PDE3B: variants seen among roughly 807,000 people sequenced by gnomAD.
PDE3B encodes phosphodiesterase 3B.
In PDE3B, 66 loss-of-function variants were observed where a neutral mutation model predicts 116.8. The ratio of observed to expected loss-of-function variants is 0.56; its 90% CI spans 0.46 to 0.69. The LOEUF (loss-of-function observed/expected upper bound fraction) is 0.69, where lower values mean the gene tolerates loss of function less well. PDE3B is among the 30% of genes least tolerant of loss of function. The pLI is 0.00. For missense variants in PDE3B, 1,384 were observed against 1,368.1 expected (o/e 1.01, Z -0.18); for synonymous variants, 595 against 533.6 (o/e 1.12, Z -1.59).
At chr11:14,828,119 G>A (rs1565154967) in intron 7 of PDE3B, among the ~76,000 whole-genome samples, 1 of 152,226 alleles carries the variant, frequency 6.6e-6, no homozygotes, top group Non-Finnish European at 1.5e-5. Flanking sequence ...CTAGCCATAT[G>A]TAGAAGATTA....
At chr11:14,681,572 C>T (rs769145412) in intron 1 of PDE3B, among the ~76,000 whole-genome samples, 2 of 152,052 alleles carry the variant, frequency 1.3e-5, no homozygotes, top group South Asian at 2.1e-4. Context: ...TTATTAGCAG[C>T]GTGAGAACAG....
chr11:14,850,329 G>A (rs921935161), intron 12 of PDE3B, among the ~76,000 whole-genome samples: 1 of 151,962 alleles, frequency 6.6e-6, no homozygotes, highest in Admixed American at 6.6e-5. Context: ...CACACTCTGG[G>A]GACTGTTGTA....
intron 14 of PDE3B, among the ~76,000 whole-genome samples, chr11:14,864,992 A>G (rs954503882): frequency 6.6e-6 from 1 of 152,146 alleles, no homozygotes; most frequent in African/African-American, 2.4e-5. Flanking sequence ...CTAAGATCAG[A>G]GCAGAACTGA....
chr11:14,750,316 T>G (rs1185957476), intron 1 of PDE3B, among the ~76,000 whole-genome samples: 1 of 152,072 alleles, frequency 6.6e-6, no homozygotes, highest in Non-Finnish European at 1.5e-5. Context: ...ATCACAAATA[T>G]GAAAAATTTG....
intron 1 of PDE3B, among the ~76,000 whole-genome samples, chr11:14,691,259 C>T (rs924556887): frequency 1.1e-4 from 16 of 152,048 alleles, no homozygotes; most frequent in South Asian, 4.1e-4. Context: ...TTTATAAAGA[C>T]TTACAATCAC....
At chr11:14,696,539 G>A (rs562699504) in intron 1 of PDE3B, among the ~76,000 whole-genome samples, 85 of 152,266 alleles carry the variant, frequency 5.6e-4, no homozygotes, top group African/African-American at 1.9e-3. Flanking sequence ...CTATGGTGCT[G>A]ATGATGCGCG....
At chr11:14,822,854 G>C (rs1424301228) in intron 7 of PDE3B, among the ~76,000 whole-genome samples, 1 of 152,202 alleles carries the variant, frequency 6.6e-6, no homozygotes, top group East Asian at 1.9e-4. Flanking sequence ...AAGACCACTA[G>C]CTTGGAACTC....
intron 12 of PDE3B, among the ~76,000 whole-genome samples, chr11:14,858,726 A>T (rs1847893133): frequency 6.6e-6 from 1 of 152,198 alleles, no homozygotes; most frequent in Admixed American, 6.5e-5. Context: ...GATTAAATGA[A>T]ATAGACCTCA....
At chr11:14,820,174 T>C (rs1172506990) in intron 7 of PDE3B, among the ~76,000 whole-genome samples, 4 of 151,852 alleles carry the variant, frequency 2.6e-5, no homozygotes, top group Admixed American at 2.6e-4. Context: ...ATAAAAAGAC[T>C]AATTCTTCAC....
At chr11:14,887,951 T>C in the PDE3B span, among the ~76,000 whole-genome samples, 1 of 152,214 alleles carries the variant, frequency 6.6e-6, no homozygotes, top group Non-Finnish European at 1.5e-5. Context: ...CATCCTTGTC[T>C]TTTTACAGGT....
intron 1 of PDE3B, among the ~76,000 whole-genome samples, chr11:14,689,348 AAG>A (rs1485414640): frequency 6.6e-6 from 1 of 152,126 alleles, no homozygotes; most frequent in Non-Finnish European, 1.5e-5. Context: ...GGAGCTTGGA[AAG>A]AGAGAATAAG....
chr11:14,882,463 C>A, the PDE3B span, among the ~76,000 whole-genome samples: 10 of 152,018 alleles, frequency 6.6e-5, no homozygotes, highest in Non-Finnish European at 8.8e-5. Flanking sequence ...GAAATATGTG[C>A]ACATGGGATA....
intron 1 of PDE3B, among the ~76,000 whole-genome samples, chr11:14,689,092 G>A (rs150804732): frequency 0.012 from 1,759 of 152,200 alleles, 33 homozygotes; most frequent in African/African-American, 0.04. Context: ...GTTTTAGAGA[G>A]GGAAGTTCGT....
At chr11:14,827,158 G>A (rs1398260220) in intron 7 of PDE3B, among the ~76,000 whole-genome samples, 1 of 152,164 alleles carries the variant, frequency 6.6e-6, no homozygotes, top group Non-Finnish European at 1.5e-5. Context: ...AGGTATTGAA[G>A]GAACATACCT....
chr11:14,754,093 G>C (rs1857123841), intron 1 of PDE3B, among the ~76,000 whole-genome samples: 1 of 151,930 alleles, frequency 6.6e-6, no homozygotes, highest in South Asian at 2.1e-4. Flanking sequence ...TATGTGATGA[G>C]GCTTGACCCA....
At chr11:14,803,032 G>C (rs1858819857) in intron 4 of PDE3B, among the ~76,000 whole-genome samples, 1 of 152,116 alleles carries the variant, frequency 6.6e-6, no homozygotes, top group African/African-American at 2.4e-5. Context: ...CTATAATGAA[G>C]ATCAACAGTA....
chr11:14,825,345 C>T (rs144065903), intron 7 of PDE3B, among the ~76,000 whole-genome samples: 27 of 152,144 alleles, frequency 1.8e-4, no homozygotes, highest in Middle Eastern at 6.8e-3. Context: ...GAGTGGCAAA[C>T]TGGATTTTAA....
At chr11:14,793,388 A>C (rs975021949) in intron 4 of PDE3B, among the ~76,000 whole-genome samples, 1 of 152,164 alleles carries the variant, frequency 6.6e-6, no homozygotes, top group African/African-American at 2.4e-5. Flanking sequence ...ATTTTAAATA[A>C]TTTTATGCGT....
chr11:14,766,354 C>T (rs1857494767), intron 1 of PDE3B, among the ~76,000 whole-genome samples: 1 of 151,610 alleles, frequency 6.6e-6, no homozygotes, highest in Non-Finnish European at 1.5e-5. Context: ...TCAGGTTAAA[C>T]ATGGACTCCA....
Sources: gnomAD v4.1 joint callset for allele counts (sites outside exome capture counted in the v4.1 genomes callset) on GRCh38, gnomAD v4.1.1 for gene constraint, MANE v1.5 for transcripts, NCBI Gene and HGNC (gene_info 2026-07-23, HGNC 2026-07-21) for gene names.